DOCK4: variants seen among roughly 807,000 people sequenced by gnomAD.
DOCK4 encodes the protein dedicator of cytokinesis 4.
Under a neutral mutation model 268.1 loss-of-function variants are expected in DOCK4, and 97 were observed. That is an observed-to-expected ratio of 0.36 (90% CI 0.31 to 0.43). DOCK4 has a LOEUF of 0.43. DOCK4 is among the 20% of genes least tolerant of loss of function. The pLI is 1.00. For synonymous variants in DOCK4, 954 were observed against 887.2 expected (o/e 1.08, Z -1.34); for missense variants, 2,145 against 2,455.7 (o/e 0.87, Z 2.67).
intron 16 of DOCK4, among the ~76,000 whole-genome samples, chr7:111,878,243 C>T (rs1434654458): frequency 6.6e-6 from 1 of 152,116 alleles, no homozygotes; most frequent in Non-Finnish European, 1.5e-5. Context: ...ACATATGGTC[C>T]CAGATTTGAA....
At chr7:111,790,693 T>G in intron 30 of DOCK4, 88 bp from the exon 31 acceptor site, 1 of 1,360,214 alleles carries the variant, frequency 7.4e-7, no homozygotes, top group South Asian at 1.6e-5. Flanking sequence ...TTAAAACTAT[T>G]GCTAGAAATA....
intron 12 of DOCK4, among the ~76,000 whole-genome samples, chr7:111,925,212 A>C (rs1793502114): frequency 6.6e-6 from 1 of 152,196 alleles, no homozygotes. Flanking sequence ...ATCTATAAGA[A>C]AAGATAATTG....
In DOCK4 at chr7:111,989,213, T is replaced by C. The variant is rs375558697; in HGVS notation, c.316-50A>G. The C allele has an allele frequency of 3.1e-6, 5 of 1,600,266 alleles. No individual in the cohort carries two copies. In the African/African-American group the frequency reaches 6.7e-5, roughly 21 times the overall value. ...TTTGGCAGTCAGTACCTATACTGAG[T>C]TGTGGGGTAACCAAAAAGGAAAGGG... On this transcript the variant is annotated intron_variant, in intron 5 of 52. Coordinates refer to ENST00000428084, the MANE Select transcript of DOCK4 (RefSeq NM_001363540.2).
chr7:112,031,224 T>C (rs544288104), intron 1 of DOCK4, among the ~76,000 whole-genome samples: 4 of 152,334 alleles, frequency 2.6e-5, no homozygotes, highest in East Asian at 1.9e-4. Flanking sequence ...CAAATAAGGA[T>C]GGCCTTCAGC....
rs552377962 is a variant in DOCK4 at position 111,994,111 on chromosome 7, C to T, written c.315+24G>A. 68 of 1,459,596 alleles carry T rather than the reference C, an allele frequency of 4.7e-5. No homozygotes were observed. In the East Asian group the frequency reaches 9.1e-4, roughly 20 times the overall value. The allele number at this position is 1,459,596 out of a possible 1,614,324, so 90.4% of individuals were successfully genotyped here. On this transcript the variant is annotated intron_variant, in intron 5 of 52. Coordinates refer to ENST00000428084, the MANE Select transcript of DOCK4 (RefSeq NM_001363540.2). Reference sequence around the variant, plus strand: ...TAAAACAATTCTTTACCCGAAAAATCGTGTCATTAAAAAGCTACTTAACCA... The same window carrying T: ...TAAAACAATTCTTTACCCGAAAAATTGTGTCATTAAAAAGCTACTTAACCA...
chr7:111,984,456 G>C, intron 6 of DOCK4, 66 bp from the exon 7 acceptor site: 1 of 1,407,726 alleles, frequency 7.1e-7, no homozygotes, highest in Non-Finnish European at 9.8e-7. Context: ...AAAACAATTG[G>C]TTTTTTACTA....
intron 1 of DOCK4, among the ~76,000 whole-genome samples, chr7:112,173,229 T>C (rs548987491): frequency 1.3e-5 from 2 of 152,304 alleles, no homozygotes; most frequent in South Asian, 4.1e-4. Flanking sequence ...AAGCATGATT[T>C]CCCTCGTGCA....
chr7:111,828,569 G>A (rs1802571614), intron 26 of DOCK4, among the ~76,000 whole-genome samples: 1 of 152,192 alleles, frequency 6.6e-6, no homozygotes, highest in South Asian at 2.1e-4. Flanking sequence ...ATATTCATTT[G>A]AAAATCTCAA....
At chr7:112,023,410 T>G (rs1262263680) in intron 1 of DOCK4, 1 of 275,668 alleles carries the variant, frequency 3.6e-6, no homozygotes, top group Non-Finnish European at 7.3e-6. Flanking sequence ...TTACTCCTAT[T>G]CAAGTTGTAA....
At chr7:112,031,315 T>G (rs1016375961) in intron 1 of DOCK4, among the ~76,000 whole-genome samples, 2 of 152,192 alleles carry the variant, frequency 1.3e-5, no homozygotes, top group Non-Finnish European at 2.9e-5. Context: ...TTCAGTGGAG[T>G]TGAGCATCAC....
At chr7:111,746,302 A>C in intron 44 of DOCK4, 32 bp downstream of exon 44, 1 of 1,587,266 alleles carries the variant, frequency 6.3e-7, no homozygotes, top group Non-Finnish European at 8.6e-7. Flanking sequence ...ATCCAGGCAA[A>C]ATAGAAGGGG....
intron 26 of DOCK4, among the ~76,000 whole-genome samples, chr7:111,831,747 A>G (rs555377997): frequency 1.3e-5 from 2 of 152,194 alleles, no homozygotes; most frequent in African/African-American, 4.8e-5. Context: ...TTGGCCTCCC[A>G]AAGTGCTCCC....
intron 1 of DOCK4, among the ~76,000 whole-genome samples, chr7:112,059,181 C>T (rs1411781517): frequency 8.5e-6 from 1 of 117,224 alleles, no homozygotes; most frequent in South Asian, 2.6e-4. Context: ...TCACTCTTGT[C>T]GCCCAGGCCA....
intron 1 of DOCK4, among the ~76,000 whole-genome samples, chr7:112,005,403 A>G (rs1800773640): frequency 6.6e-6 from 1 of 152,254 alleles, no homozygotes; most frequent in Non-Finnish European, 1.5e-5. Context: ...TCCATGAGAC[A>G]GAACAAACTA....
chr7:111,842,180 A>G (rs972467702), intron 25 of DOCK4, among the ~76,000 whole-genome samples: 3 of 152,174 alleles, frequency 2.0e-5, no homozygotes, highest in African/African-American at 7.2e-5. Flanking sequence ...ACAAACAGAA[A>G]AAGACTCTGA....
At chr7:111,907,007 C>G (rs6965476) in intron 13 of DOCK4, among the ~76,000 whole-genome samples, 335 of 152,242 alleles carry the variant, frequency 2.2e-3, no homozygotes, top group Non-Finnish European at 3.2e-3. Flanking sequence ...ATGTGACTTC[C>G]ATATCCAAGC....
At chr7:112,018,968 C>T (rs1802093969) in intron 1 of DOCK4, among the ~76,000 whole-genome samples, 1 of 152,158 alleles carries the variant, frequency 6.6e-6, no homozygotes, top group Non-Finnish European at 1.5e-5. Context: ...TGACCATCAA[C>T]AGAGGTGACT....
intron 1 of DOCK4, among the ~76,000 whole-genome samples, chr7:112,017,858 T>C (rs1299472643): frequency 6.6e-6 from 1 of 152,026 alleles, no homozygotes; most frequent in East Asian, 1.9e-4. Context: ...TTCTTCAGAC[T>C]TGCACAGTAC....
At chr7:112,023,018 G>C (rs1204290350) in intron 1 of DOCK4, among the ~76,000 whole-genome samples, 1 of 152,078 alleles carries the variant, frequency 6.6e-6, no homozygotes, top group African/African-American at 2.4e-5. Flanking sequence ...CAAGGTTCAA[G>C]CGGTTTTTCA....
Sources: allele counts gnomAD v4.1 joint callset (sites outside exome capture counted in the v4.1 genomes callset), GRCh38; gene constraint gnomAD v4.1.1; transcripts MANE v1.5; gene names NCBI Gene and HGNC (gene_info 2026-07-23, HGNC 2026-07-21).